The following CSNK2A1 variants were observed in gnomAD, a reference collection of about 807,000 sequenced individuals.
CSNK2A1 encodes casein kinase II subunit alpha.
CSNK2A1 carries 10 observed loss-of-function variants against 62.9 expected under a neutral mutation model. The ratio of observed to expected loss-of-function variants is 0.16; its 90% CI spans 0.10 to 0.27. CSNK2A1 has a LOEUF of 0.27. CSNK2A1 is among the 10% of genes least tolerant of loss of function. The pLI is 1.00. For synonymous variants in CSNK2A1, 124 were observed against 167.8 expected, an observed-to-expected ratio of 0.74 and a Z score of 2.02; for missense variants, 160 against 492.0, an observed-to-expected ratio of 0.33 and a Z score of 6.38.
intron 11 of CSNK2A1, 75 bp downstream of exon 11, chr20:488,603 T>C (rs1388627289): frequency 1.1e-5 from 16 of 1,424,620 alleles, no homozygotes; most frequent in Non-Finnish European, 1.5e-5. Flanking sequence ...ACATAACTAT[T>C]TTGAAGATCC....
At chr20:493,861 T>C (rs1225527780) in intron 8 of CSNK2A1, among the ~76,000 whole-genome samples, 1 of 152,194 alleles carries the variant, frequency 6.6e-6, no homozygotes. Flanking sequence ...ATAACTTTTT[T>C]TGAGACTGCC....
intron 8 of CSNK2A1, chr20:494,770 G>A (rs1441008406): frequency 1.3e-5 from 2 of 151,964 alleles, no homozygotes; most frequent in East Asian, 3.8e-4. Flanking sequence ...CATTCATTCT[G>A]TCCCAGCTTT....
intron 1 of CSNK2A1, among the ~76,000 whole-genome samples, chr20:530,631 G>A (rs1023953925): frequency 5.9e-5 from 9 of 151,836 alleles, no homozygotes; most frequent in African/African-American, 2.2e-4. Flanking sequence ...GCGCCACCAC[G>A]CCCAGTTAAT....
intron 3 of CSNK2A1, among the ~76,000 whole-genome samples, chr20:505,576 A>G (rs1036521853): frequency 6.6e-6 from 1 of 151,256 alleles, no homozygotes; most frequent in Admixed American, 6.6e-5. Flanking sequence ...GTTAACCAGG[A>G]TGGTCTCGAT....
chr20:510,003 A>G (rs548164877), intron 2 of CSNK2A1, among the ~76,000 whole-genome samples: 2 of 152,342 alleles, frequency 1.3e-5, no homozygotes, highest in African/African-American at 2.4e-5. Context: ...CTAAAGAGAC[A>G]TTGCATAAAT....
At chr20:490,206 T>C (rs2018188537) in intron 9 of CSNK2A1, among the ~76,000 whole-genome samples, 1 of 151,174 alleles carries the variant, frequency 6.6e-6, no homozygotes, top group Non-Finnish European at 1.5e-5. Context: ...TAATTTTGTA[T>C]TTTTAGTAGA....
chr20:488,856 T>C, intron 10 of CSNK2A1, 78 bp from the exon 11 acceptor site: 1 of 1,339,960 alleles, frequency 7.5e-7, no homozygotes, highest in Admixed American at 1.9e-5. Context: ...TGATTGAATT[T>C]ACATAAACGG....
intron 7 of CSNK2A1, chr20:496,474 A>C (rs1417948274): frequency 1.3e-5 from 2 of 152,256 alleles, no homozygotes; most frequent in African/African-American, 2.4e-5. Flanking sequence ...GGAACTGAGT[A>C]GTATAATCTT....
chr20:541,360 T>A (rs1369628866), intron 1 of CSNK2A1, among the ~76,000 whole-genome samples: 3 of 152,182 alleles, frequency 2.0e-5, no homozygotes, highest in Non-Finnish European at 4.4e-5. Flanking sequence ...AAGAGGGAGA[T>A]GTAATTCTGC....
At position 499,562 on chromosome 20, in the gene CSNK2A1, T is replaced by C; in HGVS notation, c.316-257A>G. On this transcript the variant is annotated intron_variant, in intron 5 of 13. Transcript: ENST00000217244. The surrounding 1 kb of genome is among the most constrained non-coding windows in gnomAD (Gnocchi z 4.2). ...AGCCCGACAATGCGCCCATCGCCCA[T>C]CGGCATCGGACCTGAGTTTGCAAAA... 7.2e-6 allele frequency: 4 copies of C among 553,706 alleles called. No homozygotes were observed. Among genetic ancestry groups the C allele is most frequent in the Middle Eastern group, 9.4e-4 (2 of 2,136 alleles). 34.3% of individuals were successfully genotyped at this position (553,706 alleles called of 1,614,324 possible).
intron 13 of CSNK2A1, among the ~76,000 whole-genome samples, chr20:485,095 AAAAAAAAAAAAAAAATAT>A (rs2018054011): frequency 5.3e-5 from 2 of 37,986 alleles, no homozygotes; most frequent in African/African-American, 8.7e-5. Context: ...AAAAAAAAAA[AAAAAAAAAAAAAAAATAT>A]ATATATATAT....
Position 482,041 on chromosome 20 carries a change from T to C in CSNK2A1, c.*1920A>G, listed in dbSNP as rs1271133409. 6.6e-6 allele frequency: 1 copy of C among 152,194 alleles called. No homozygotes were observed. Among genetic ancestry groups the C allele is most frequent in the Non-Finnish European group, 1.5e-5 (1 of 68,034 alleles). 9.4% of individuals were successfully genotyped at this position (152,194 alleles called of 1,614,324 possible). ...AGCGCTATAAAAGGAGGCTTTAGCGTCCTCTAAAGTTTACCATTATATTCA... is the reference window on the plus strand; with the variant it reads ...AGCGCTATAAAAGGAGGCTTTAGCGCCCTCTAAAGTTTACCATTATATTCA... On this transcript the variant is annotated 3_prime_UTR_variant, in exon 14 of 14. Coordinates refer to ENST00000217244, the MANE Select transcript of CSNK2A1 (RefSeq NM_177559.3).
At chr20:540,881 G>C (rs6139521) in intron 1 of CSNK2A1, 1 of 152,180 alleles carries the variant, frequency 6.6e-6, no homozygotes, top group African/African-American at 2.4e-5. Flanking sequence ...CTTTTGCTTA[G>C]GGTCTCACGA....
intron 13 of CSNK2A1, among the ~76,000 whole-genome samples, chr20:485,669 G>A (rs1346323169): frequency 6.6e-6 from 1 of 152,108 alleles, no homozygotes; most frequent in Admixed American, 6.5e-5. Context: ...AAGTAAGTTT[G>A]GATATACATT....
chr20:497,898 C>A, intron 6 of CSNK2A1, 118 bp from the exon 7 acceptor site: 1 of 790,472 alleles, frequency 1.3e-6, no homozygotes, highest in Non-Finnish European at 2.1e-6. Flanking sequence ...AAGATCTGTC[C>A]ATTCACTGCC....
In CSNK2A1 at chr20:488,686, G is replaced by A. The variant is rs1436427644; in HGVS notation, c.816C>T (p.Ile272=). The change falls in exon 11 of 14, where the codon ATC becomes ATT. Residue 272 remains isoleucine, a synonymous_variant. Transcript: ENST00000217244. ...NIELDPRFND[I]LGRHSRKRWE... is the part of the protein sequence containing the mutation. ...TTTGTTTCATGACTTACCTGCCCAA[G>A]ATATCATTGAAACGTGGATCTAATT... is the stretch of plus-strand genomic sequence containing the variant. 1.2e-6 allele frequency: 2 copies of A among 1,613,470 alleles called. No individual in the cohort carries two copies. The highest frequency in any genetic ancestry group is 1.3e-5 in the African/African-American group (1 of 74,896).
At chr20:498,457 C>T (rs1600381680) in intron 6 of CSNK2A1, 1 of 151,692 alleles carries the variant, frequency 6.6e-6, no homozygotes, top group East Asian at 1.9e-4. Context: ...CCTCCTACCT[C>T]AGCTTCCCCA....
chr20:526,646 T>C (rs2019096166), intron 2 of CSNK2A1: 1 of 148,034 alleles, frequency 6.8e-6, no homozygotes, highest in African/African-American at 2.5e-5. Flanking sequence ...AATGTAAGTG[T>C]GCTTGATTTA....
At chr20:523,828 C>CA (rs1295120483) in intron 2 of CSNK2A1, among the ~76,000 whole-genome samples, 1 of 132,692 alleles carries the variant, frequency 7.5e-6, no homozygotes, top group East Asian at 2.1e-4. Flanking sequence ...CAATGCACTC[C>CA]AGCCTGGGCG....
Sources: allele counts gnomAD v4.1 joint callset (sites outside exome capture counted in the v4.1 genomes callset), GRCh38; gene constraint gnomAD v4.1.1; non-coding constraint Gnocchi (gnomAD v3.1); transcripts MANE v1.5; gene names NCBI Gene and HGNC (gene_info 2026-07-23, HGNC 2026-07-21).